Variants in SORD observed in about 807,000 individuals in gnomAD.
SORD encodes sorbitol dehydrogenase, also known as (R,R)-butanediol dehydrogenase.
Under a neutral mutation model 35.6 loss-of-function variants are expected in SORD, and 18 were observed. The ratio of observed to expected loss-of-function variants is 0.51; its 90% CI spans 0.35 to 0.75. The LOEUF is 0.75. SORD is among the 30% of genes least tolerant of loss of function. The pLI, the probability that SORD is intolerant of heterozygous loss-of-function variation, is 0.01. For missense variants in SORD, 250 were observed against 390.2 expected (o/e 0.64, Z 3.03); for synonymous variants, 106 against 152.9 (o/e 0.69, Z 2.26).
At chr15:45,042,661 G>A (rs1052439292) in intron 2 of SORD, among the ~76,000 whole-genome samples, 1 of 152,046 alleles carries the variant, frequency 6.6e-6, no homozygotes, top group Non-Finnish European at 1.5e-5. Flanking sequence ...TTAATTGTCT[G>A]GAAAGTTATC....
intron 3 of SORD, among the ~76,000 whole-genome samples, chr15:45,047,955 T>C (rs1893071171): frequency 2.6e-5 from 4 of 152,248 alleles, no homozygotes; most frequent in Admixed American, 2.6e-4. Flanking sequence ...TGTGTAGCAA[T>C]ACCTGTGATA....
chr15:45,023,607 A>T (rs1238981577), intron 1 of SORD, among the ~76,000 whole-genome samples: 1 of 152,230 alleles, frequency 6.6e-6, no homozygotes, highest in South Asian at 2.1e-4. Flanking sequence ...GACGGTTGCA[A>T]ACTGTTTGAA....
At chr15:45,036,474 T>C in intron 1 of SORD, 1 of 392,338 alleles carries the variant, frequency 2.5e-6, no homozygotes. Flanking sequence ...GGCAGATCAA[T>C]TGAGGCCAGG....
Position 45,030,710 on chromosome 15 carries a change from A to G in SORD, c.66+7361A>G, listed in dbSNP as rs959510377. On this transcript the variant is annotated intron_variant, in intron 1 of 8. Coordinates refer to ENST00000267814, the MANE Select transcript of SORD (RefSeq NM_003104.6). ...CTTTGAATTAGGAGGAAATTTTAATATATTTATCCCTGATGAAAATTAAAT... is the reference window on the plus strand; with the variant it reads ...CTTTGAATTAGGAGGAAATTTTAATGTATTTATCCCTGATGAAAATTAAAT... Among the ~76,000 whole-genome samples the G allele has an allele frequency of 3.8e-4, 58 of 152,394 alleles. 1 individual carries two copies. The highest frequency in any genetic ancestry group is 1.4e-3 in the African/African-American group (57 of 41,604).
intron 7 of SORD, chr15:45,070,188 C>T (rs1413194127): frequency 2.0e-5 from 3 of 152,234 alleles, no homozygotes; most frequent in East Asian, 1.9e-4. Flanking sequence ...TGAGTTGCCC[C>T]GCTGCTTAGG....
chr15:45,052,948 G>T (rs947807078), intron 3 of SORD, among the ~76,000 whole-genome samples: 1 of 152,162 alleles, frequency 6.6e-6, no homozygotes, highest in Non-Finnish European at 1.5e-5. Flanking sequence ...TCATCTTGGG[G>T]GGTCATCTCA....
chr15:45,058,878 A>G (rs1324117756), intron 3 of SORD, among the ~76,000 whole-genome samples: 1 of 152,206 alleles, frequency 6.6e-6, no homozygotes, highest in Non-Finnish European at 1.5e-5. Context: ...AGCTGCAAGC[A>G]TGTATTAGGC....
intron 1 of SORD, among the ~76,000 whole-genome samples, chr15:45,028,657 T>A (rs556675468): frequency 0.21 from 31,228 of 150,642 alleles, no homozygotes; most frequent in African/African-American, 0.44. Flanking sequence ...GGCAGAAAAA[T>A]TAATATATTG....
chr15:45,053,324 G>A lies in SORD; in HGVS notation c.266-7743G>A, dbSNP rs191675490. ...CTGAACTCCCCAGAGAAAGCCTGCT[G>A]TCTTCCAAAGACAGCTTTTGATGGA... On this transcript the variant is annotated intron_variant, in intron 3 of 8. Transcript: ENST00000267814. 1.9e-4 allele frequency among the ~76,000 whole-genome samples: 29 copies of A among 152,304 alleles called. No individual in the cohort carries two copies. The East Asian group carries it at 3.7e-3, about 19-fold the overall frequency.
At chr15:45,040,068 A>AGGGAG (rs1892941848) in intron 1 of SORD, among the ~76,000 whole-genome samples, 1 of 151,922 alleles carries the variant, frequency 6.6e-6, no homozygotes, top group African/African-American at 2.4e-5. Flanking sequence ...GCTGTTTCCT[A>AGGGAG]GGGAGGGAAC....
chr15:45,070,048 C>G (rs1893485537), intron 7 of SORD: 1 of 152,168 alleles, frequency 6.6e-6, no homozygotes, highest in Non-Finnish European at 1.5e-5. Flanking sequence ...CTCTGCTGTA[C>G]TTTATAAACA....
chr15:45,068,266 C>G lies in SORD; in HGVS notation c.610+20C>G, dbSNP rs769908971. On this transcript the variant is annotated intron_variant, in intron 6 of 8. Transcript: ENST00000267814. The stretch of plus-strand genomic sequence containing the variant: ...TGACTGGTAAGACTTTGTTCTTTAT[C>G]AATCTCCTTGACTGGGAAACAGCGG... 6.3e-7 allele frequency: 1 copy of G among 1,587,226 alleles called. No homozygotes were observed. Among genetic ancestry groups the G allele is most frequent in the South Asian group, 1.1e-5 (1 of 90,574 alleles).
At chr15:45,044,179 A>G (rs1454106089) in intron 3 of SORD, among the ~76,000 whole-genome samples, 1 of 152,254 alleles carries the variant, frequency 6.6e-6, no homozygotes, top group African/African-American at 2.4e-5. Context: ...GTGGAAGTCA[A>G]GAAGGCTCCT....
intron 5 of SORD, among the ~76,000 whole-genome samples, chr15:45,066,223 T>C (rs145776055): frequency 0.018 from 2,507 of 135,598 alleles, 76 homozygotes; most frequent in African/African-American, 0.068. Context: ...CCAGCCTAGG[T>C]GACAGAGCGA....
chr15:45,072,780 AAGG>A (rs965326761), intron 8 of SORD, among the ~76,000 whole-genome samples: 2 of 142,364 alleles, frequency 1.4e-5, no homozygotes, highest in Admixed American at 1.3e-4. Context: ...GAAGGAGAGA[AAGG>A]AGGACAAAAG....
intron 5 of SORD, among the ~76,000 whole-genome samples, chr15:45,067,028 T>C (rs185654759): frequency 6.6e-6 from 1 of 152,330 alleles, no homozygotes; most frequent in East Asian, 1.9e-4. Context: ...GTTAGTTTTT[T>C]TCTGAGACCA....
chr15:45,061,318 A>G (rs1181658707), intron 4 of SORD, 92 bp downstream of exon 4: 5 of 1,400,356 alleles, frequency 3.6e-6, no homozygotes, highest in Non-Finnish European at 4.9e-6. Context: ...TATTCTTTTC[A>G]GCTCATAATT....
intron 3 of SORD, among the ~76,000 whole-genome samples, chr15:45,051,597 C>T (rs1566961443): frequency 6.6e-6 from 1 of 152,172 alleles, no homozygotes; most frequent in Non-Finnish European, 1.5e-5. Flanking sequence ...AAGGCAAAAA[C>T]CTTCACTCAT....
At chr15:45,071,576 C>A (rs770446348) in intron 7 of SORD, among the ~76,000 whole-genome samples, 4 of 152,174 alleles carry the variant, frequency 2.6e-5, no homozygotes, top group Admixed American at 6.5e-5. Context: ...AATGAACAAT[C>A]AGCATGATTG....
Sources: allele counts gnomAD v4.1 joint callset (sites outside exome capture counted in the v4.1 genomes callset), GRCh38; gene constraint gnomAD v4.1.1; transcripts MANE v1.5; gene names NCBI Gene and HGNC (gene_info 2026-07-23, HGNC 2026-07-21).